Variants in C10orf90 observed in about 807,000 individuals in gnomAD.
C10orf90 encodes the protein (E2-independent) E3 ubiquitin-conjugating enzyme FATS.
In C10orf90, 56 loss-of-function variants were observed where a neutral mutation model predicts 62.5. That is an observed-to-expected ratio of 0.90 (90% CI 0.72 to 1.12). C10orf90 has a LOEUF of 1.12. Ranked by LOEUF, C10orf90 falls within the 50% of genes most tolerant of loss-of-function variation. The pLI is 0.00. For missense variants in C10orf90, 970 were observed against 880.4 expected, an observed-to-expected ratio of 1.10 and a Z score of -1.29; for synonymous variants, 386 against 340.4, an observed-to-expected ratio of 1.13 and a Z score of -1.47.
At chr10:126,601,433 T>A (rs1476335679) in intron 2 of C10orf90, among the ~76,000 whole-genome samples, 1 of 152,242 alleles carries the variant, frequency 6.6e-6, no homozygotes, top group Non-Finnish European at 1.5e-5. Flanking sequence ...TCCCATGACA[T>A]CATGTTATAA....
intron 7 of C10orf90, among the ~76,000 whole-genome samples, chr10:126,434,542 C>A (rs954491265): frequency 6.6e-6 from 1 of 152,204 alleles, no homozygotes; most frequent in East Asian, 1.9e-4. Context: ...TAGACATTTG[C>A]TTCCCCTATC....
chr10:126,507,306 A>T (rs560664911), intron 3 of C10orf90, among the ~76,000 whole-genome samples: 2 of 149,732 alleles, frequency 1.3e-5, no homozygotes, highest in Admixed American at 6.7e-5. Flanking sequence ...GCAGTGAGCC[A>T]AGATCGCGCC....
chr10:126,664,829 C>T (rs1203236629), intron 1 of C10orf90, among the ~76,000 whole-genome samples: 1 of 152,242 alleles, frequency 6.6e-6, no homozygotes, highest in Non-Finnish European at 1.5e-5. Context: ...TGACTTCAGA[C>T]CTCTAACTCC....
chr10:126,557,499 A>T (rs973592004), intron 2 of C10orf90, among the ~76,000 whole-genome samples: 1 of 137,312 alleles, frequency 7.3e-6, no homozygotes, highest in Middle Eastern at 3.9e-3. Context: ...AAAAAAAGTT[A>T]CCAAAAGTCC....
intron 2 of C10orf90, among the ~76,000 whole-genome samples, chr10:126,545,763 G>A (rs963236911): frequency 4.6e-5 from 7 of 151,914 alleles, no homozygotes; most frequent in South Asian, 2.1e-4. Context: ...TCAGTTAATC[G>A]GTTCTTAACT....
At chr10:126,591,581 G>A (rs34776603) in intron 2 of C10orf90, among the ~76,000 whole-genome samples, 9,798 of 152,146 alleles carry the variant, frequency 0.064, 364 homozygotes, top group Middle Eastern at 0.12. Flanking sequence ...CAAACCCACA[G>A]CCAGTATCAT....
intron 7 of C10orf90, among the ~76,000 whole-genome samples, chr10:126,439,889 G>T (rs1858190430): frequency 6.6e-6 from 1 of 152,190 alleles, no homozygotes; most frequent in African/African-American, 2.4e-5. Context: ...AGAGGTAGCA[G>T]CGGGAAAGGC....
intron 2 of C10orf90, among the ~76,000 whole-genome samples, chr10:126,528,629 C>T (rs553104697): frequency 4.6e-5 from 7 of 152,230 alleles, no homozygotes; most frequent in South Asian, 2.1e-4. Context: ...AGCTCCACCA[C>T]GGCCCAGCAC....
intron 2 of C10orf90, among the ~76,000 whole-genome samples, chr10:126,611,751 C>T (rs1412406977): frequency 6.6e-6 from 1 of 152,110 alleles, no homozygotes; most frequent in Admixed American, 6.5e-5. Flanking sequence ...ATTGCAGTGG[C>T]CAGAGATTTA....
At chr10:126,655,370 C>G (rs1846373338) in intron 1 of C10orf90, among the ~76,000 whole-genome samples, 1 of 151,994 alleles carries the variant, frequency 6.6e-6, no homozygotes, top group Non-Finnish European at 1.5e-5. Flanking sequence ...ATAACCATAA[C>G]AGATATAATA....
intron 2 of C10orf90, among the ~76,000 whole-genome samples, chr10:126,625,121 C>T (rs763618425): frequency 6.6e-6 from 1 of 152,190 alleles, no homozygotes; most frequent in Non-Finnish European, 1.5e-5. Context: ...CACAGTCTTC[C>T]TTCTTGGAAG....
chr10:126,475,084 G>A (rs183433043), intron 4 of C10orf90, among the ~76,000 whole-genome samples: 1 of 152,214 alleles, frequency 6.6e-6, no homozygotes, highest in Non-Finnish European at 1.5e-5. Flanking sequence ...CACCTGTGCT[G>A]AGCAGTCCAA....
Position 126,429,864 on chromosome 10 carries a change from A to T in C10orf90, c.2189-14T>A, listed in dbSNP as rs373670491. Reference sequence around the variant, plus strand: ...TGAACAAGTTATCTGGAAAAAATAGAAAGAGAATTAAGTTCAGAAGGCATA... The same window carrying T: ...TGAACAAGTTATCTGGAAAAAATAGTAAGAGAATTAAGTTCAGAAGGCATA... On this transcript the variant is annotated splice_polypyrimidine_tract_variant and intron_variant, in intron 7 of 9. Transcript: ENST00000488181. 1 of 1,608,944 alleles carries T rather than the reference A, an allele frequency of 6.2e-7. No individual in the cohort carries two copies. The highest frequency in any genetic ancestry group is 1.3e-5 in the African/African-American group (1 of 74,928).
chr10:126,642,718 A>G (rs180886868), intron 2 of C10orf90, among the ~76,000 whole-genome samples: 1 of 152,248 alleles, frequency 6.6e-6, no homozygotes, highest in East Asian at 1.9e-4. Flanking sequence ...CACCATGATG[A>G]TATCAAGATT....
chr10:126,620,092 GTCTTT>G (rs1845617325), intron 2 of C10orf90, among the ~76,000 whole-genome samples: 1 of 151,828 alleles, frequency 6.6e-6, no homozygotes, highest in Admixed American at 6.6e-5. Flanking sequence ...TTTACATGGT[GTCTTT>G]TATGAGCAAG....
chr10:126,503,979 A>T lies in C10orf90; in HGVS notation c.1512T>A (p.Ile504=). ...SDHANQLSIH[I]PGWSYRAVHT... ...CACCTGCCCTGTAACTCCAGCCAGG[A>T]ATGTGAATGGACAGTTGGTTGGCAT... The change falls in exon 4 of 10, where the codon ATT becomes ATA. Residue 504 remains isoleucine (I), a synonymous_variant. Transcript: ENST00000488181. 6.2e-7 allele frequency: 1 copy of T among 1,612,152 alleles called. No individual in the cohort carries two copies. The highest frequency in any genetic ancestry group is 8.5e-7 in the Non-Finnish European group (1 of 1,179,420).
chr10:126,550,721 GC>G (rs1864612797), intron 2 of C10orf90, among the ~76,000 whole-genome samples: 1 of 151,908 alleles, frequency 6.6e-6, no homozygotes, highest in Non-Finnish European at 1.5e-5. Context: ...TGTTGGCCAG[GC>G]TGGTCTTGAA....
chr10:126,447,089 A>C (rs963214060), intron 7 of C10orf90, among the ~76,000 whole-genome samples: 22 of 152,108 alleles, frequency 1.4e-4, no homozygotes, highest in African/African-American at 5.3e-4. Flanking sequence ...TCATAAAGGA[A>C]GACATCGACA....
intron 4 of C10orf90, among the ~76,000 whole-genome samples, chr10:126,496,922 C>T (rs185137543): frequency 7.7e-4 from 118 of 152,294 alleles, no homozygotes; most frequent in African/African-American, 2.6e-3. Flanking sequence ...TGAATCCTGC[C>T]GTCCAGGAAT....
Sources: gnomAD v4.1 joint callset for allele counts (sites outside exome capture counted in the v4.1 genomes callset) on GRCh38, gnomAD v4.1.1 for gene constraint, MANE v1.5 for transcripts, NCBI Gene and HGNC (gene_info 2026-07-23, HGNC 2026-07-21) for gene names.